The following COG2 variants were observed in gnomAD, a reference collection of about 807,000 sequenced individuals.
COG2 encodes the protein component of oligomeric golgi complex 2, also known as conserved oligomeric Golgi complex subunit 2.
In COG2, 52 loss-of-function variants were observed where a neutral mutation model predicts 90.6. That is an observed-to-expected ratio of 0.57 (90% CI 0.46 to 0.72). The LOEUF (loss-of-function observed/expected upper bound fraction) is 0.72, where lower values mean the gene tolerates loss of function less well. Ranked by LOEUF, COG2 falls within the 30% of genes least tolerant of loss-of-function variation. The pLI, the probability that COG2 is intolerant of heterozygous loss-of-function variation, is 0.00. For synonymous variants in COG2, 337 were observed against 320.4 expected, an observed-to-expected ratio of 1.05 and a Z score of -0.55; for missense variants, 829 against 891.2, an observed-to-expected ratio of 0.93 and a Z score of 0.89.
At chr1:230,676,584 A>G (rs2148963) in intron 9 of COG2, among the ~76,000 whole-genome samples, 150,669 of 152,232 alleles carry the variant, frequency 0.99, 74,591 homozygotes, top group Middle Eastern at 1. Flanking sequence ...GTTTTAAATC[A>G]TCATCGTCCT....
chr1:230,653,408 A>G (rs917584117), intron 1 of COG2, among the ~76,000 whole-genome samples: 3 of 151,810 alleles, frequency 2.0e-5, no homozygotes, highest in Non-Finnish European at 2.9e-5. Flanking sequence ...TTTAGTAGAG[A>G]TGGGGTTTCG....
intron 10 of COG2, chr1:230,680,437 C>G (rs1276501952): frequency 6.6e-6 from 1 of 152,326 alleles, no homozygotes; most frequent in African/African-American, 2.4e-5. Context: ...CCTCCTGGAG[C>G]TCCCATGGGC....
intron 15 of COG2, 145 bp from the exon 16 acceptor site, chr1:230,689,869 T>C (rs1662980882): frequency 1.4e-6 from 1 of 715,166 alleles, no homozygotes; most frequent in Non-Finnish European, 2.3e-6. Flanking sequence ...TGGACCCCAG[T>C]GTTACTTTTG....
At position 230,644,606 on chromosome 1, in the gene COG2, G is replaced by A. The variant is rs568600329; in HGVS notation, c.72+1928G>A. 1.1e-4 allele frequency among the ~76,000 whole-genome samples: 17 copies of A among 152,284 alleles called. No individual in the cohort carries two copies. In the East Asian group the frequency reaches 3.3e-3, roughly 29 times the overall value. On this transcript the variant is annotated intron_variant, in intron 1 of 17. Transcript: ENST00000366669. Reference sequence around the variant, plus strand: ...GTTATTACCTCTCTTCTGGTATTACGTCTCTTCTGGTGTTGATGGGAAACT... The same window carrying A: ...GTTATTACCTCTCTTCTGGTATTACATCTCTTCTGGTGTTGATGGGAAACT...
At chr1:230,662,751 T>C (rs1662211216) in intron 3 of COG2, among the ~76,000 whole-genome samples, 1 of 152,232 alleles carries the variant, frequency 6.6e-6, no homozygotes, top group African/African-American at 2.4e-5. Flanking sequence ...ATTACTGTTC[T>C]ATCTTCCTGC....
intron 16 of COG2, among the ~76,000 whole-genome samples, chr1:230,690,576 A>G (rs1663002549): frequency 6.6e-6 from 1 of 152,256 alleles, no homozygotes; most frequent in African/African-American, 2.4e-5. Context: ...GAGAAAACAT[A>G]CATTTAAAAG....
Position 230,663,129 on chromosome 1 carries a change from TGTC to T in COG2, c.301-11_301-9del. 2 of 1,586,286 alleles carry T rather than the reference TGTC, an allele frequency of 1.3e-6. No homozygotes were observed. Among genetic ancestry groups the T allele is most frequent in the Admixed American group, 1.9e-5 (1 of 52,962 alleles). ...CAATCTCTGCAGTACTTTTTTTTTT[TGTC>T]TTTTAAAGAGCCTTAGATCGTCTGT... is the stretch of plus-strand genomic sequence containing the variant. On this transcript the variant is annotated splice_polypyrimidine_tract_variant and intron_variant, in intron 3 of 17. Transcript: ENST00000366669.
intron 13 of COG2, among the ~76,000 whole-genome samples, chr1:230,687,563 C>G (rs747700069): frequency 6.6e-6 from 1 of 152,150 alleles, no homozygotes; most frequent in Non-Finnish European, 1.5e-5. Flanking sequence ...TAATCTTCAG[C>G]TATACTTTGA....
chr1:230,689,721 C>T (rs1286461977), intron 15 of COG2, among the ~76,000 whole-genome samples: 1 of 152,220 alleles, frequency 6.6e-6, no homozygotes, highest in African/African-American at 2.4e-5. Flanking sequence ...CGTGAGGCCA[C>T]GGGAAGCAGT....
rs1558275569 is a variant in COG2, at chr1:230,674,903, G to C, written c.900-95G>C. The stretch of plus-strand genomic sequence containing the variant: ...TTTTAAAAAGTTGAAATAAGTTTTA[G>C]ACTGCGGATCTTTTGGCAGAAGCAA... On this transcript the variant is annotated intron_variant, in intron 8 of 17. Transcript: ENST00000366669. The C allele has an allele frequency of 1.2e-5, 11 of 937,992 alleles. No homozygotes were observed. In the East Asian group the frequency reaches 3.1e-4, roughly 26 times the overall value. 58.1% of individuals were successfully genotyped at this position (937,992 alleles called of 1,614,324 possible). A position where few individuals can be genotyped will look rare whatever the true frequency, so the allele number is the denominator to read the frequency against.
At chr1:230,643,708 G>A (rs1661685610) in intron 1 of COG2, among the ~76,000 whole-genome samples, 1 of 151,564 alleles carries the variant, frequency 6.6e-6, no homozygotes, top group African/African-American at 2.4e-5. Flanking sequence ...ATCATTTTTC[G>A]TATGTAGGAC....
chr1:230,659,356 C>T, intron 1 of COG2, 108 bp from the exon 2 acceptor site: 2 of 872,830 alleles, frequency 2.3e-6, no homozygotes, highest in Non-Finnish European at 3.8e-6. Context: ...AGCAGCATGG[C>T]CTTGTAAATG....
chr1:230,671,381 A>G, intron 7 of COG2, 135 bp from the exon 8 acceptor site: 1 of 685,108 alleles, frequency 1.5e-6, no homozygotes, highest in Non-Finnish European at 2.4e-6. Context: ...TTCACTGTTT[A>G]GAAAATGTGT....
chr1:230,649,259 C>G (rs933554052), intron 1 of COG2, among the ~76,000 whole-genome samples: 3 of 152,118 alleles, frequency 2.0e-5, no homozygotes, highest in African/African-American at 7.2e-5. Flanking sequence ...TTAGAATGAG[C>G]CTTGGAAGAC....
At chr1:230,671,716 A>G in intron 8 of COG2, 76 bp downstream of exon 8, 1 of 1,357,286 alleles carries the variant, frequency 7.4e-7, no homozygotes, top group South Asian at 1.3e-5. Context: ...TGCACGATGG[A>G]CGATGACTGT....
chr1:230,643,916 G>C (rs183833267), intron 1 of COG2, among the ~76,000 whole-genome samples: 2 of 152,302 alleles, frequency 1.3e-5, no homozygotes, highest in Admixed American at 1.3e-4. Flanking sequence ...AAGGGTACAT[G>C]CTGGGGAGAG....
chr1:230,655,317 A>G (rs7549793), intron 1 of COG2, among the ~76,000 whole-genome samples: 9,461 of 152,184 alleles, frequency 0.062, 616 homozygotes, highest in African/African-American at 0.17. Flanking sequence ...AGGGGTGTTG[A>G]ATTTTGACAA....
chr1:230,691,794 G>A (rs552627168), intron 17 of COG2: 5 of 462,108 alleles, frequency 1.1e-5, no homozygotes, highest in Admixed American at 7.8e-5. Context: ...CTCTGGTGCT[G>A]TTGCCATCTG....
chr1:230,657,922 ATTTATATT>A (rs1662103270), intron 1 of COG2, among the ~76,000 whole-genome samples: 1 of 151,976 alleles, frequency 6.6e-6, no homozygotes, highest in Non-Finnish European at 1.5e-5. Flanking sequence ...CCGTCAGGTC[ATTTATATT>A]CTTCTCCAAA....
Sources: gnomAD v4.1 joint callset for allele counts (sites outside exome capture counted in the v4.1 genomes callset) on GRCh38, gnomAD v4.1.1 for gene constraint, MANE v1.5 for transcripts, NCBI Gene and HGNC (gene_info 2026-07-23, HGNC 2026-07-21) for gene names.